Variants in KCNA6 observed in about 807,000 individuals in gnomAD.
The protein encoded by KCNA6 is human brain potassium channel-2.
In KCNA6, 17 loss-of-function variants were observed where a neutral mutation model predicts 29.5. The observed-to-expected ratio is 0.58, with a 90% CI of 0.39 to 0.86. The LOEUF (loss-of-function observed/expected upper bound fraction) is 0.86, where lower values mean the gene tolerates loss of function less well. Among genes scored for constraint, KCNA6 ranks in the 40% least tolerant of loss-of-function variants. The pLI is 0.00. For synonymous variants in KCNA6, 296 were observed against 304.7 expected (o/e 0.97, Z 0.30); for missense variants, 450 against 703.4 (o/e 0.64, Z 4.07).
the KCNA6 span, among the ~76,000 whole-genome samples, chr12:4,844,201 A>G: frequency 3.3e-5 from 5 of 152,352 alleles, no homozygotes; most frequent in East Asian, 9.6e-4. The surrounding 1 kb of genome is among the most constrained non-coding windows in gnomAD (Gnocchi z 4.0). Context: ...TTATGGATAC[A>G]TGTAGCAAAC....
the KCNA6 span, among the ~76,000 whole-genome samples, chr12:4,850,213 C>T: frequency 1.5e-3 from 223 of 152,044 alleles, no homozygotes; most frequent in African/African-American, 4.4e-3. The surrounding 1 kb of genome is among the most constrained non-coding windows in gnomAD (Gnocchi z 5.4). Context: ...ATGGTAGGGG[C>T]GGGGTAAGGA....
downstream of KCNA6, among the ~76,000 whole-genome samples, chr12:4,816,432 G>T (rs147125888): frequency 3.9e-5 from 6 of 152,138 alleles, no homozygotes; most frequent in African/African-American, 1.4e-4. Context: ...ACTGAACTAT[G>T]ATATATATGT....
exon 1 of KCNA6, chr12:4,812,748 G>C (rs1042809161): frequency 3.6e-5 from 6 of 167,156 alleles, no homozygotes; most frequent in South Asian, 4.2e-4. Context: ...CCATTTTATG[G>C]GCATGAAATA....
At chr12:4,816,378 T>C (rs986277911), downstream of KCNA6, among the ~76,000 whole-genome samples, 7 of 152,244 alleles carry the variant, frequency 4.6e-5, no homozygotes, top group African/African-American at 1.7e-4. Context: ...TCTAAAGATA[T>C]GTCATGCCAT....
At chr12:4,827,530 A>G in the KCNA6 span, among the ~76,000 whole-genome samples, 21,424 of 152,192 alleles carry the variant, frequency 0.14, 1,625 homozygotes, top group Non-Finnish European at 0.17. Flanking sequence ...CTAGAGGAAG[A>G]AGTCTGTAGA....
chr12:4,816,555 C>T (rs1054952896), downstream of KCNA6, among the ~76,000 whole-genome samples: 1 of 152,152 alleles, frequency 6.6e-6, no homozygotes. Context: ...AAAAACCCCA[C>T]CAAATCCCTG....
Position 4,811,797 on chromosome 12 carries a change from T to C in KCNA6, c.*166T>C. 1 of 764,884 alleles carries C rather than the reference T, an allele frequency of 1.3e-6. No individual in the cohort carries two copies. The highest frequency in any genetic ancestry group is 2.1e-6 in the Non-Finnish European group (1 of 471,610). 47.4% of individuals were successfully genotyped at this position (764,884 alleles called of 1,614,324 possible). A position where few individuals can be genotyped will look rare whatever the true frequency, so the allele number is the denominator to read the frequency against. ...ATACCTGGACTATCAACCTTGTTGCTTAATCCCTGCAGCATTCAAGGTTAA... is the reference window on the plus strand; with the variant it reads ...ATACCTGGACTATCAACCTTGTTGCCTAATCCCTGCAGCATTCAAGGTTAA... On this transcript the variant is annotated 3_prime_UTR_variant, in exon 1 of 1. Transcript: ENST00000280684. The surrounding 1 kb of genome is among the most constrained non-coding windows in gnomAD (Gnocchi z 7.1).
At chr12:4,824,396 A>G in the KCNA6 span, among the ~76,000 whole-genome samples, 1 of 152,230 alleles carries the variant, frequency 6.6e-6, no homozygotes, top group Non-Finnish European at 1.5e-5. Flanking sequence ...AATAGTGACC[A>G]TGATTCAGGT....
chr12:4,821,418 ATGTGTGTGTGTGTGTGTGTGTG>A, the KCNA6 span, among the ~76,000 whole-genome samples: 5 of 143,420 alleles, frequency 3.5e-5, no homozygotes, highest in African/African-American at 5.2e-5. Context: ...ACTCACTTGG[ATGTGTGTGTGTGTGTGTGTGTG>A]TGTGTGTGTG....
chr12:4,848,145 T>C, the KCNA6 span, among the ~76,000 whole-genome samples: 1 of 152,104 alleles, frequency 6.6e-6, no homozygotes, highest in African/African-American at 2.4e-5. Flanking sequence ...TTTGACAAGG[T>C]GGTGGGATGA....
chr12:4,830,943 G>T, the KCNA6 span, among the ~76,000 whole-genome samples: 4 of 152,196 alleles, frequency 2.6e-5, no homozygotes, highest in African/African-American at 7.2e-5. Context: ...GCAGGATATC[G>T]TTCACTTTCC....
downstream of KCNA6, among the ~76,000 whole-genome samples, chr12:4,816,357 T>C (rs11063347): frequency 0.13 from 19,487 of 151,952 alleles, 1,518 homozygotes; most frequent in African/African-American, 0.2. Context: ...TTCTCTTTTT[T>C]CTTTTTTTCC....
chr12:4,820,546 A>ACACACACACAC, the KCNA6 span, among the ~76,000 whole-genome samples: 2 of 134,674 alleles, frequency 1.5e-5, no homozygotes, highest in South Asian at 2.5e-4. Context: ...GGATTACCTA[A>ACACACACACAC]ACACACACAC....
In KCNA6 at chr12:4,811,563, C is replaced by T. The variant is rs763082590; in HGVS notation, c.1522C>T (p.Arg508Trp). The T allele has an allele frequency of 1.9e-6, 3 of 1,614,242 alleles. No individual in the cohort carries two copies. Among genetic ancestry groups the T allele is most frequent in the Non-Finnish European group, 1.7e-6 (2 of 1,180,038 alleles). The change falls in exon 1 of 1, where the codon CGG becomes TGG. Residue 508 changes from arginine to tryptophan, a missense_variant. Coordinates refer to ENST00000280684, the Ensembl canonical transcript of KCNA6. The surrounding 1 kb of genome is among the most constrained non-coding windows in gnomAD (Gnocchi z 7.1). ...TGACTTCCCCGAGGCTAACCGGGAA[C>T]GGAGACCCAGCTACCTTCCTACACC...
chr12:4,814,769 T>G (rs936076307), downstream of KCNA6: 1 of 167,118 alleles, frequency 6.0e-6, no homozygotes, highest in African/African-American at 2.4e-5. The surrounding 1 kb of genome is among the most constrained non-coding windows in gnomAD (Gnocchi z 4.6). Flanking sequence ...ACAGCTCGCC[T>G]TCTTTGCAGG....
chr12:4,843,342 G>A, the KCNA6 span, among the ~76,000 whole-genome samples: 3 of 151,920 alleles, frequency 2.0e-5, no homozygotes, highest in East Asian at 2.0e-4. Flanking sequence ...CACCACGCCC[G>A]GCTAATTTTT....
chr12:4,823,063 G>T, the KCNA6 span, among the ~76,000 whole-genome samples: 1 of 152,188 alleles, frequency 6.6e-6, no homozygotes, highest in Non-Finnish European at 1.5e-5. Flanking sequence ...GAAATGTTCA[G>T]TCAGGTTGGG....
the KCNA6 span, among the ~76,000 whole-genome samples, chr12:4,840,348 A>C: frequency 6.6e-6 from 1 of 152,180 alleles, no homozygotes; most frequent in Non-Finnish European, 1.5e-5. Context: ...ACTTTTCCAA[A>C]GAAGGCATGC....
chr12:4,814,168 G>A (rs1946659668), downstream of KCNA6: 2 of 167,120 alleles, frequency 1.2e-5, no homozygotes, highest in South Asian at 4.1e-4. This position sits in a 1 kb window ranked among gnomAD's most constrained non-coding sequence, Gnocchi z 4.6. Flanking sequence ...TCCCCACCCA[G>A]TCATTGAAGC....
Sources: allele counts gnomAD v4.1 joint callset (sites outside exome capture counted in the v4.1 genomes callset), GRCh38; gene constraint gnomAD v4.1.1; non-coding constraint Gnocchi (gnomAD v3.1); transcripts MANE v1.5; gene names NCBI Gene and HGNC (gene_info 2026-07-23, HGNC 2026-07-21).